The following CHD6 variants were observed in gnomAD, a reference collection of about 807,000 sequenced individuals.
CHD6 encodes the protein chromodomain helicase DNA binding protein 6.
A neutral mutation model predicts 276.9 loss-of-function variants in CHD6; 50 were observed. That is an observed-to-expected ratio of 0.18 (90% CI 0.14 to 0.23). The LOEUF (loss-of-function observed/expected upper bound fraction) is 0.23, where lower values mean the gene tolerates loss of function less well. Among genes scored for constraint, CHD6 ranks in the 10% least tolerant of loss-of-function variants. The probability of loss-of-function intolerance (pLI) is 1.00; values close to 1 mark genes in which losing one functional copy is unlikely to be tolerated. For missense variants in CHD6, 2,564 were observed against 3,365.8 expected (o/e 0.76, Z 5.89); for synonymous variants, 1,173 against 1,229.3 (o/e 0.95, Z 0.96).
At chr20:41,426,024 T>C (rs1243622578) in intron 28 of CHD6, 69 bp downstream of exon 28, 2 of 1,141,060 alleles carry the variant, frequency 1.8e-6, no homozygotes, top group Non-Finnish European at 2.7e-6. Flanking sequence ...ATTAATTACA[T>C]ATAAACTCCA....
chr20:41,490,850 T>A (rs2043535297), intron 11 of CHD6, among the ~76,000 whole-genome samples: 1 of 151,982 alleles, frequency 6.6e-6, no homozygotes, highest in Non-Finnish European at 1.5e-5. Flanking sequence ...ATGGTATACC[T>A]AGGTGATAGG....
chr20:41,557,783 C>T (rs971752068), intron 1 of CHD6, among the ~76,000 whole-genome samples: 1 of 152,134 alleles, frequency 6.6e-6, no homozygotes, highest in Admixed American at 6.5e-5. Context: ...GCCCCTATCC[C>T]CCACCACTCT....
rs181452665 is a variant in CHD6 at position 41,502,446 on chromosome 20, G to A, written c.853-3089C>T. ...TTCAAGTGCTCAATAGGCACATGTG[G>A]CTGATAGGGTCCATACTGGACAAGG... On this transcript the variant is annotated intron_variant, in intron 5 of 36. Coordinates refer to ENST00000373233, the MANE Select transcript of CHD6 (RefSeq NM_032221.5). 1.0e-3 allele frequency among the ~76,000 whole-genome samples: 155 copies of A among 152,268 alleles called. 2 individuals are homozygous for A. Among genetic ancestry groups the A allele is most frequent in the Non-Finnish European group, 4.0e-4 (27 of 68,020 alleles).
intron 1 of CHD6, among the ~76,000 whole-genome samples, chr20:41,562,768 G>A (rs903720355): frequency 3.9e-5 from 6 of 152,110 alleles, no homozygotes; most frequent in African/African-American, 1.2e-4. Flanking sequence ...TTTGACTATT[G>A]TCTAACTAAT....
At chr20:41,468,378 G>A (rs1008532967) in intron 17 of CHD6, among the ~76,000 whole-genome samples, 5 of 152,074 alleles carry the variant, frequency 3.3e-5, no homozygotes, top group African/African-American at 1.2e-4. Context: ...CCAAAGTGCT[G>A]GGATTACAGG....
chr20:41,490,164 A>G (rs1346087760), intron 11 of CHD6, 143 bp from the exon 12 acceptor site: 1 of 754,870 alleles, frequency 1.3e-6, no homozygotes, highest in East Asian at 2.5e-5. Flanking sequence ...AACTGAGGTT[A>G]GTTATTATTA....
intron 1 of CHD6, among the ~76,000 whole-genome samples, chr20:41,616,419 G>T (rs972054451): frequency 2.0e-5 from 3 of 152,136 alleles, no homozygotes; most frequent in Non-Finnish European, 4.4e-5. Context: ...ACTCAATTTC[G>T]CAACAGATCT....
intron 17 of CHD6, among the ~76,000 whole-genome samples, chr20:41,463,546 G>A (rs377685379): frequency 2.4e-4 from 37 of 152,184 alleles, no homozygotes; most frequent in African/African-American, 8.9e-4. Context: ...GGCTGTGTCA[G>A]TTCTGTAGTA....
chr20:41,501,348 A>G (rs1191949899), intron 5 of CHD6, among the ~76,000 whole-genome samples: 1 of 152,220 alleles, frequency 6.6e-6, no homozygotes, highest in Non-Finnish European at 1.5e-5. Context: ...ATGCACCTAT[A>G]TAACTACCAC....
chr20:41,582,491 C>T (rs1177857350), intron 1 of CHD6, among the ~76,000 whole-genome samples: 1 of 152,162 alleles, frequency 6.6e-6, no homozygotes, highest in African/African-American at 2.4e-5. Context: ...TCCCTGCAAA[C>T]CCCAATACCA....
intron 1 of CHD6, among the ~76,000 whole-genome samples, chr20:41,594,777 T>G (rs6093498): frequency 0.38 from 57,865 of 151,998 alleles, 13,768 homozygotes; most frequent in African/African-American, 0.65. Context: ...CTAATTGACC[T>G]TATTCAATTT....
In CHD6 at chr20:41,487,682, G is replaced by A; in HGVS notation, c.1984C>T (p.Leu662=). The change falls in exon 14 of 37, where the codon CTG becomes TTG. Residue 662 remains leucine (L), a synonymous_variant. Coordinates refer to ENST00000373233, the MANE Select transcript of CHD6 (RefSeq NM_032221.5). ...CTAATTACCTGCTCCTCTGTTTTCA[G>A]ATCTCCAAATTCCTCCAAGAAAGCG... The part of the protein sequence containing the change: ...ETAFLEEFGD[L]KTEEQVKKLQ... 1 of 1,606,588 alleles carries A rather than the reference G, an allele frequency of 6.2e-7. No individual in the cohort carries two copies. The highest frequency in any genetic ancestry group is 8.5e-7 in the Non-Finnish European group (1 of 1,178,238).
rs1293481475 is a variant in CHD6, at chr20:41,415,519, C to T, written c.6606G>A (p.Gly2202=). ...AGCCATTGAGGATGATAGGGGTGTG[C>T]CCGTGGGTGGCAGAGAACTGCTCCA... is the stretch of plus-strand genomic sequence containing the variant. ...RGLEQFSATH[G]HTPIILNGWH... The change falls in exon 34 of 37, where the codon GGG becomes GGA. Residue 2202 remains glycine (G), a synonymous_variant. Transcript: ENST00000373233. 11 of 1,613,936 alleles carry T rather than the reference C, an allele frequency of 6.8e-6. No homozygotes were observed. In the Admixed American group the frequency reaches 1.7e-4, roughly 24 times the overall value.
At chr20:41,604,652 C>G (rs1265415663) in intron 1 of CHD6, among the ~76,000 whole-genome samples, 1 of 152,110 alleles carries the variant, frequency 6.6e-6, no homozygotes, top group African/African-American at 2.4e-5. Flanking sequence ...AAGATTTGAA[C>G]AAACACGTCT....
chr20:41,430,513 G>T (rs753403718), intron 27 of CHD6, among the ~76,000 whole-genome samples: 2 of 152,148 alleles, frequency 1.3e-5, no homozygotes, highest in South Asian at 4.1e-4. Context: ...ACTCTCTATT[G>T]TCTGGACTAC....
intron 2 of CHD6, among the ~76,000 whole-genome samples, chr20:41,548,879 A>G (rs532668368): frequency 9.9e-4 from 150 of 152,164 alleles, no homozygotes; most frequent in African/African-American, 3.4e-3. Flanking sequence ...GCAGCCAAAA[A>G]ACACATGAAA....
At chr20:41,583,779 T>C (rs901253671) in intron 1 of CHD6, among the ~76,000 whole-genome samples, 3 of 152,156 alleles carry the variant, frequency 2.0e-5, no homozygotes, top group African/African-American at 7.2e-5. Flanking sequence ...TACTGTATTG[T>C]TAGGATCTCA....
intron 27 of CHD6, among the ~76,000 whole-genome samples, chr20:41,432,230 G>A (rs1051043933): frequency 1.5e-4 from 22 of 151,290 alleles, no homozygotes; most frequent in Non-Finnish European, 2.8e-4. Context: ...GAAGAGGTAG[G>A]TTAGCAGGTT....
intron 3 of CHD6, among the ~76,000 whole-genome samples, chr20:41,528,207 G>C (rs959472217): frequency 1.3e-5 from 2 of 152,020 alleles, no homozygotes; most frequent in Non-Finnish European, 2.9e-5. Flanking sequence ...TCAATATAAT[G>C]AACAATTTTG....
Sources: allele counts gnomAD v4.1 joint callset (sites outside exome capture counted in the v4.1 genomes callset), GRCh38; gene constraint gnomAD v4.1.1; transcripts MANE v1.5; gene names NCBI Gene and HGNC (gene_info 2026-07-23, HGNC 2026-07-21).